CTNNA3: variants seen among roughly 807,000 people sequenced by gnomAD.
The protein encoded by CTNNA3 is catenin alpha 3.
Under a neutral mutation model 95.7 loss-of-function variants are expected in CTNNA3, and 76 were observed. The ratio of observed to expected loss-of-function variants is 0.79; its 90% confidence interval spans 0.66 to 0.96. The LOEUF (loss-of-function observed/expected upper bound fraction) is 0.96. Among genes scored for constraint, CTNNA3 ranks in the 40% least tolerant of loss-of-function variants. The pLI, the probability that CTNNA3 is intolerant of heterozygous loss-of-function variation, is 0.00. For synonymous variants in CTNNA3, 431 were observed against 374.4 expected (o/e 1.15, Z -1.74); for missense variants, 1,191 against 1,089.8 (o/e 1.09, Z -1.31).
chr10:65,977,521 C>T (rs1443410929), intron 16 of CTNNA3, among the ~76,000 whole-genome samples: 1 of 152,084 alleles, frequency 6.6e-6, no homozygotes, highest in Non-Finnish European at 1.5e-5. Flanking sequence ...TGGCTCACGC[C>T]TATAATCCCA....
At chr10:66,103,056 T>C (rs1013441188) in intron 14 of CTNNA3, 101 bp downstream of exon 14, 1 of 884,266 alleles carries the variant, frequency 1.1e-6, no homozygotes, top group African/African-American at 1.6e-5. Flanking sequence ...TAGCTCCAGA[T>C]CCAGGAGTCC....
intron 11 of CTNNA3, among the ~76,000 whole-genome samples, chr10:66,493,224 T>G (rs1437399528): frequency 6.6e-6 from 1 of 152,180 alleles, no homozygotes; most frequent in African/African-American, 2.4e-5. Flanking sequence ...AACCAAAGCA[T>G]GTTTTCTTCT....
At chr10:66,155,883 G>A (rs1184929413) in intron 13 of CTNNA3, among the ~76,000 whole-genome samples, 1 of 151,596 alleles carries the variant, frequency 6.6e-6, no homozygotes, top group African/African-American at 2.4e-5. Context: ...CACAGTGTGA[G>A]GAGCGTTTCC....
intron 2 of CTNNA3, among the ~76,000 whole-genome samples, chr10:67,609,669 T>A (rs1843396397): frequency 6.6e-6 from 1 of 152,172 alleles, no homozygotes; most frequent in Admixed American, 6.5e-5. Context: ...CTGGGGAAGG[T>A]CAAATAAGGT....
At chr10:66,588,205 C>T (rs979381113) in intron 10 of CTNNA3, among the ~76,000 whole-genome samples, 4 of 152,050 alleles carry the variant, frequency 2.6e-5, no homozygotes, top group Admixed American at 6.5e-5. Context: ...CTGAATTGCC[C>T]GGCTCTCCGG....
At chr10:66,687,734 T>TAC (rs56196721) in intron 9 of CTNNA3, among the ~76,000 whole-genome samples, 89,743 of 148,702 alleles carry the variant, frequency 0.6, 28,193 homozygotes, top group African/African-American at 0.78. Context: ...CACACACACA[T>TAC]ACACACACAC....
intron 7 of CTNNA3, among the ~76,000 whole-genome samples, chr10:67,109,736 G>C (rs1589750166): frequency 6.6e-6 from 1 of 152,250 alleles, no homozygotes; most frequent in Admixed American, 6.5e-5. Flanking sequence ...CCAGCTACTC[G>C]GGAGGCTGAG....
intron 11 of CTNNA3, among the ~76,000 whole-genome samples, chr10:66,452,089 C>G (rs1382039310): frequency 6.6e-6 from 1 of 152,192 alleles, no homozygotes; most frequent in Non-Finnish European, 1.5e-5. Context: ...ACTTTCACAA[C>G]TGAGGCCAAG....
chr10:66,493,903 C>CTTTTT (rs1181967222), intron 11 of CTNNA3, among the ~76,000 whole-genome samples: 7 of 98,132 alleles, frequency 7.1e-5, no homozygotes, highest in African/African-American at 2.1e-4. Context: ...CTGCGCCGGC[C>CTTTTT]TTTTTTTTTT....
chr10:66,525,053 TA>T (rs952882625), intron 10 of CTNNA3, among the ~76,000 whole-genome samples: 1 of 146,606 alleles, frequency 6.8e-6, no homozygotes, highest in South Asian at 2.2e-4. Context: ...CCATTTCAAA[TA>T]AAAAAAAGAA....
chr10:66,420,319 A>C (rs2093180674), intron 11 of CTNNA3, among the ~76,000 whole-genome samples: 1 of 152,232 alleles, frequency 6.6e-6, no homozygotes, highest in African/African-American at 2.4e-5. Flanking sequence ...GCAAATCAAA[A>C]CCACAATGAA....
At chr10:66,049,914 A>G (rs7916781) in intron 15 of CTNNA3, among the ~76,000 whole-genome samples, 26,182 of 152,100 alleles carry the variant, frequency 0.17, 2,508 homozygotes, top group South Asian at 0.35. Flanking sequence ...CTATGTAACA[A>G]ACCTTCACTT....
At chr10:66,352,205 C>T (rs547745367) in intron 12 of CTNNA3, among the ~76,000 whole-genome samples, 10 of 152,124 alleles carry the variant, frequency 6.6e-5, no homozygotes, top group African/African-American at 2.2e-4. Flanking sequence ...TAACAAGGCC[C>T]CAGCAGTCAG....
At position 66,483,361 on chromosome 10, in the gene CTNNA3, C is replaced by G. The variant is rs570481729; in HGVS notation, c.1531+37256G>C. ...AACACAGATGAAGTGGCCAAGAAAACTTGGCTTTTTTTTTATCATTATTAT... is the reference window on the plus strand; with the variant it reads ...AACACAGATGAAGTGGCCAAGAAAAGTTGGCTTTTTTTTTATCATTATTAT... On this transcript the variant is annotated intron_variant, in intron 11 of 17. Transcript: ENST00000433211. 2.9e-5 allele frequency among the ~76,000 whole-genome samples: 4 copies of G among 139,040 alleles called. No individual in the cohort carries two copies. The East Asian group carries it at 2.4e-3, about 82-fold the overall frequency. The allele number at this position is 139,040 out of a possible 152,430, so 91.2% of individuals were successfully genotyped here. A position where few individuals can be genotyped will look rare whatever the true frequency, so the allele number is the denominator to read the frequency against.
intron 6 of CTNNA3, among the ~76,000 whole-genome samples, chr10:67,202,122 G>C (rs1243343002): frequency 6.6e-6 from 1 of 151,930 alleles, no homozygotes; most frequent in Non-Finnish European, 1.5e-5. Flanking sequence ...CTTTTCGATT[G>C]GTCTCAGAAA....
At chr10:67,017,000 G>A (rs575267574) in intron 7 of CTNNA3, among the ~76,000 whole-genome samples, 4 of 152,152 alleles carry the variant, frequency 2.6e-5, no homozygotes, top group East Asian at 3.9e-4. Flanking sequence ...TTCTATATAT[G>A]AGAAGAACCT....
chr10:67,031,000 G>A (rs112756470), intron 7 of CTNNA3, among the ~76,000 whole-genome samples: 2,135 of 152,010 alleles, frequency 0.014, 39 homozygotes, highest in African/African-American at 0.039. Context: ...GCGAAACTCC[G>A]TCTCAAAAAA....
chr10:67,324,130 G>C (rs188657132), intron 5 of CTNNA3, among the ~76,000 whole-genome samples: 1 of 152,274 alleles, frequency 6.6e-6, no homozygotes, highest in East Asian at 1.9e-4. Flanking sequence ...TTTGGGCTGA[G>C]ATGATGAAGT....
chr10:67,307,009 A>G (rs894551895), intron 5 of CTNNA3, among the ~76,000 whole-genome samples: 2 of 152,202 alleles, frequency 1.3e-5, no homozygotes, highest in East Asian at 1.9e-4. Context: ...AAGATACAAA[A>G]AAATGTAAAA....
Sources: gnomAD v4.1 joint callset for allele counts (sites outside exome capture counted in the v4.1 genomes callset) on GRCh38, gnomAD v4.1.1 for gene constraint, MANE v1.5 for transcripts, NCBI Gene and HGNC (gene_info 2026-07-23, HGNC 2026-07-21) for gene names.